LYRM1: variants seen among roughly 807,000 people sequenced by gnomAD.
LYRM1 encodes LYR motif containing 1.
Under a neutral mutation model 14.9 loss-of-function variants are expected in LYRM1, and 14 were observed. The observed-to-expected ratio is 0.94, with a 90% confidence interval of 0.62 to 1.47. The LOEUF (loss-of-function observed/expected upper bound fraction) is 1.47. Ranked by LOEUF, LYRM1 falls within the 40% of genes most tolerant of loss-of-function variation. The pLI is 0.00. For missense variants in LYRM1, 153 were observed against 149.9 expected (o/e 1.02, Z -0.11); for synonymous variants, 43 against 56.2 (o/e 0.77, Z 1.05).
In LYRM1 at chr16:20,924,821, G is replaced by A. The variant is rs937591028; in HGVS notation, c.*705G>A. 3 of 152,176 alleles carry A rather than the reference G, an allele frequency of 2.0e-5. No homozygotes were observed. The highest frequency in any genetic ancestry group is 7.2e-5 in the African/African-American group (3 of 41,434). The allele number at this position is 152,176 out of a possible 1,614,324, so 9.4% of individuals were successfully genotyped here. On this transcript the variant is annotated 3_prime_UTR_variant, in exon 4 of 4. Coordinates refer to ENST00000567954, the MANE Select transcript of LYRM1 (RefSeq NM_001128302.3). ...CATAATTGAAAAGTACAAGGTCCAA[G>A]CTGGCTTTCAAATTATGTCTAAACA...
At chr16:20,911,463 T>C (rs774945655) in intron 1 of LYRM1, among the ~76,000 whole-genome samples, 24 of 152,170 alleles carry the variant, frequency 1.6e-4, no homozygotes, top group Non-Finnish European at 3.2e-4. Context: ...AAATGGATCA[T>C]GTTCCCAAAA....
At chr16:20,914,043 C>T (rs1039066175) in intron 1 of LYRM1, among the ~76,000 whole-genome samples, 7 of 151,410 alleles carry the variant, frequency 4.6e-5, no homozygotes, top group Non-Finnish European at 1.0e-4. Flanking sequence ...CTCCTGACCT[C>T]GTGATCCACC....
intron 1 of LYRM1, among the ~76,000 whole-genome samples, chr16:20,902,113 G>A (rs1440087441): frequency 6.6e-6 from 1 of 152,084 alleles, no homozygotes; most frequent in Non-Finnish European, 1.5e-5. Flanking sequence ...TCCGTCTTAA[G>A]AAAAAAGAAA....
chr16:20,903,274 A>G (rs973980627), intron 1 of LYRM1, among the ~76,000 whole-genome samples: 4 of 152,214 alleles, frequency 2.6e-5, no homozygotes, highest in African/African-American at 4.8e-5. Context: ...TGAAGTTCCT[A>G]GAGGTTCCTA....
chr16:20,907,417 G>A (rs2082377945), intron 1 of LYRM1, among the ~76,000 whole-genome samples: 1 of 152,120 alleles, frequency 6.6e-6, no homozygotes, highest in Non-Finnish European at 1.5e-5. Flanking sequence ...CTTGAGTGCA[G>A]TGGCGTGATC....
Position 20,909,144 on chromosome 16 carries a change from A to G in LYRM1, c.1-6412A>G, listed in dbSNP as rs528656083. Among the ~76,000 whole-genome samples the G allele has an allele frequency of 8.5e-5, 13 of 152,334 alleles. No homozygotes were observed. The East Asian group carries it at 2.1e-3, about 25-fold the overall frequency. On this transcript the variant is annotated intron_variant, in intron 1 of 3. Transcript: ENST00000567954. ...TCTCTTAACTATGACCAGAGGCCAC[A>G]ACACACTGGCAGCAACATCTGTCAG...
At chr16:20,904,528 G>A (rs1345123569) in intron 1 of LYRM1, among the ~76,000 whole-genome samples, 1 of 152,100 alleles carries the variant, frequency 6.6e-6, no homozygotes, top group Non-Finnish European at 1.5e-5. Context: ...CATTTTCTGT[G>A]TAAAAAGATG....
chr16:20,901,574 C>T lies in LYRM1; in HGVS notation c.-1+685C>T, dbSNP rs1412023746. 6.6e-6 allele frequency among the ~76,000 whole-genome samples: 1 copy of T among 152,182 alleles called. No individual in the cohort carries two copies. The highest frequency in any genetic ancestry group is 1.5e-5 in the Non-Finnish European group (1 of 68,030). On this transcript the variant is annotated intron_variant, in intron 1 of 3. Coordinates refer to ENST00000567954, the MANE Select transcript of LYRM1 (RefSeq NM_001128302.3). This position sits in a 1 kb window ranked among gnomAD's most constrained non-coding sequence, Gnocchi z 4.6. The stretch of plus-strand genomic sequence containing the variant: ...TTTTAGGTTGGAAACAGCCAGAAGG[C>T]CATGTGGCTGAAGCAAACAGAGCCA...
intron 3 of LYRM1, among the ~76,000 whole-genome samples, chr16:20,923,017 CT>C (rs2083276226): frequency 1.3e-5 from 2 of 152,140 alleles, no homozygotes; most frequent in Non-Finnish European, 2.9e-5. Flanking sequence ...GCCGCTTCCC[CT>C]TCTTCTGCCT....
At chr16:20,905,068 G>T (rs752198829) in intron 1 of LYRM1, among the ~76,000 whole-genome samples, 8 of 152,128 alleles carry the variant, frequency 5.3e-5, no homozygotes, top group Non-Finnish European at 1.0e-4. Flanking sequence ...GAGGGAAACA[G>T]CTTTAGGAAA....
At position 20,924,153 on chromosome 16, in the gene LYRM1, A is replaced by G. The variant is rs368262824; in HGVS notation, c.*37A>G. On this transcript the variant is annotated 3_prime_UTR_variant, in exon 4 of 4. Transcript: ENST00000567954. ...GTTTATTTCTGCAAATGATGAGCCAACTAGTTATTGAATGTAAACCAGATG... is the reference window on the plus strand; with the variant it reads ...GTTTATTTCTGCAAATGATGAGCCAGCTAGTTATTGAATGTAAACCAGATG... 13 of 1,185,974 alleles carry G rather than the reference A, an allele frequency of 1.1e-5. No individual in the cohort carries two copies. The highest frequency in any genetic ancestry group is 1.6e-5 in the Non-Finnish European group (13 of 805,666). 73.5% of individuals were successfully genotyped at this position (1,185,974 alleles called of 1,614,324 possible). A position where few individuals can be genotyped will look rare whatever the true frequency, so the allele number is the denominator to read the frequency against.
intron 1 of LYRM1, among the ~76,000 whole-genome samples, chr16:20,903,089 G>C (rs753577032): frequency 1.3e-5 from 2 of 152,186 alleles, no homozygotes; most frequent in Non-Finnish European, 2.9e-5. Flanking sequence ...TGAAGGGTTG[G>C]CCTAGATTTG....
At chr16:20,919,605 T>C (rs927633368) in intron 2 of LYRM1, among the ~76,000 whole-genome samples, 3 of 152,196 alleles carry the variant, frequency 2.0e-5, no homozygotes, top group African/African-American at 7.2e-5. Flanking sequence ...TAATTATCCA[T>C]GGGTAGGAGA....
At position 20,915,764 on chromosome 16, in the gene LYRM1, A is replaced by G. The variant is rs369209769; in HGVS notation, c.159+50A>G. 4.1e-5 allele frequency: 65 copies of G among 1,578,450 alleles called. No homozygotes were observed. The African/African-American group carries it at 8.3e-4, about 20-fold the overall frequency. On this transcript the variant is annotated intron_variant, in intron 2 of 3. Transcript: ENST00000567954. ...GTGCAGAGGAGAGTTGTTCCTTATG[A>G]TATTTGTTTATTTCTTTTCGGTCTT...
intron 1 of LYRM1, among the ~76,000 whole-genome samples, chr16:20,915,288 G>T (rs936724982): frequency 1.3e-5 from 2 of 152,014 alleles, no homozygotes; most frequent in Non-Finnish European, 2.9e-5. Context: ...GTGAAACCCT[G>T]TCTCTACTAA....
At chr16:20,922,018 CCTCA>C (rs2083219459) in intron 3 of LYRM1, 1 of 150,700 alleles carries the variant, frequency 6.6e-6, no homozygotes, top group Non-Finnish European at 1.5e-5. Context: ...TGAGACAGAG[CCTCA>C]CTCTGTCACC....
Position 20,901,845 on chromosome 16 carries a change from G to A in LYRM1, c.-1+956G>A, listed in dbSNP as rs569286835. ...GGTGAAGATAGTGTTGAAAGGGCCG[G>A]CCGGGCGCGGTGGCTCACGCCTATA... On this transcript the variant is annotated intron_variant, in intron 1 of 3. Coordinates refer to ENST00000567954, the MANE Select transcript of LYRM1 (RefSeq NM_001128302.3). The surrounding 1 kb of genome is among the most constrained non-coding windows in gnomAD (Gnocchi z 4.6). 6.7e-4 allele frequency among the ~76,000 whole-genome samples: 102 copies of A among 152,354 alleles called. No individual in the cohort carries two copies. The highest frequency in any genetic ancestry group is 2.4e-3 in the African/African-American group (101 of 41,578).
chr16:20,905,339 T>C (rs1301265649), intron 1 of LYRM1, among the ~76,000 whole-genome samples: 1 of 152,152 alleles, frequency 6.6e-6, no homozygotes, highest in Non-Finnish European at 1.5e-5. Context: ...CAGTTAATAA[T>C]TTGCCCAATG....
intron 1 of LYRM1, among the ~76,000 whole-genome samples, chr16:20,912,292 T>C (rs2082634199): frequency 6.7e-6 from 1 of 149,426 alleles, no homozygotes; most frequent in African/African-American, 2.5e-5. Context: ...TTTTTTGAGA[T>C]GGAGTCTCAC....
Sources: allele counts gnomAD v4.1 joint callset (sites outside exome capture counted in the v4.1 genomes callset), GRCh38; gene constraint gnomAD v4.1.1; non-coding constraint Gnocchi (gnomAD v3.1); transcripts MANE v1.5; gene names NCBI Gene and HGNC (gene_info 2026-07-23, HGNC 2026-07-21).